ZNF638: variants seen among roughly 807,000 people sequenced by gnomAD.
ZNF638 encodes CTCL tumor antigen se33-1.
A neutral mutation model predicts 195.6 loss-of-function variants in ZNF638; 46 were observed. The observed-to-expected ratio is 0.24, with a 90% CI of 0.19 to 0.30. The LOEUF is 0.30. ZNF638 is among the 10% of genes least tolerant of loss of function. The pLI, the probability that ZNF638 is intolerant of heterozygous loss-of-function variation, is 1.00. For synonymous variants in ZNF638, 845 were observed against 772.0 expected (o/e 1.09, Z -1.57); for missense variants, 2,440 against 2,325.3 (o/e 1.05, Z -1.01).
Position 71,423,542 on chromosome 2 carries a change from T to G in ZNF638, c.4028T>G (p.Val1343Gly). The G allele has an allele frequency of 2.5e-6, 4 of 1,613,752 alleles. No individual in the cohort carries two copies. The highest frequency in any genetic ancestry group is 2.5e-6 in the Non-Finnish European group (3 of 1,179,916). ...GAAGGTAGGATGGATGCAGAAAAGGTGGAAAAGATGGCAGCAATGAAAGAA... is the reference window on the plus strand; with the variant it reads ...GAAGGTAGGATGGATGCAGAAAAGGGGGAAAAGATGGCAGCAATGAAAGAA... ...KNEGRMDAEK[V>G]EKMAAMKEKP... is the part of the protein sequence containing the mutation. Residue 1343 changes from valine to glycine, a missense_variant, in exon 22 of 28, where the codon GTG (valine) becomes GGG (glycine). By Grantham distance (109) the Val-to-Gly change is moderately radical (BLOSUM62 -3). Around this residue, in one of 5 missense-constraint regions of ZNF638, gnomAD observed 1,883 missense variants for 1,739.1 expected, o/e 1.08. Coordinates refer to ENST00000264447, the MANE Select transcript of ZNF638 (RefSeq NM_014497.5).
chr2:71,434,846 G>A lies in ZNF638; in HGVS notation c.*39G>A. 1 of 1,516,468 alleles carries A rather than the reference G, an allele frequency of 6.6e-7. No individual in the cohort carries two copies. The highest frequency in any genetic ancestry group is 8.9e-7 in the Non-Finnish European group (1 of 1,119,208). The allele number at this position is 1,516,468 out of a possible 1,614,324, so 93.9% of individuals were successfully genotyped here. A position where few individuals can be genotyped will look rare whatever the true frequency, so the allele number is the denominator to read the frequency against. On this transcript the variant is annotated 3_prime_UTR_variant, in exon 28 of 28. Transcript: ENST00000264447. ...AAGAATTCACTAGAAATTTGTTTAG[G>A]GTCCAGTTGATTTGTGTATTTTTGT...
intron 8 of ZNF638, among the ~76,000 whole-genome samples, chr2:71,372,700 G>A (rs2079336207): frequency 1.3e-5 from 2 of 152,188 alleles, no homozygotes; most frequent in Admixed American, 6.5e-5. Flanking sequence ...GATGAACAGT[G>A]TAGGGTTCTA....
chr2:71,405,191 A>G (rs2080082573), intron 17 of ZNF638, among the ~76,000 whole-genome samples: 1 of 152,300 alleles, frequency 6.6e-6, no homozygotes, highest in South Asian at 2.1e-4. Context: ...ATTCAGTAGC[A>G]TCAAATCTGC....
At chr2:71,401,020 A>G (rs1284955798) in intron 15 of ZNF638, among the ~76,000 whole-genome samples, 1 of 152,142 alleles carries the variant, frequency 6.6e-6, no homozygotes, top group Non-Finnish European at 1.5e-5. Flanking sequence ...ATTAATTTAC[A>G]TTTTACTGGT....
chr2:71,392,549 A>G (rs2079804040), intron 10 of ZNF638, among the ~76,000 whole-genome samples: 1 of 152,138 alleles, frequency 6.6e-6, no homozygotes. Context: ...GACTTCAGCA[A>G]TTGCTGGGTC....
chr2:71,408,475 T>A, intron 20 of ZNF638: 2 of 458,840 alleles, frequency 4.4e-6, no homozygotes, highest in Non-Finnish European at 7.6e-6. Context: ...ATACTTACTG[T>A]TGACATGTAG....
In ZNF638 at chr2:71,427,351, G is replaced by A. The variant is rs746609523; in HGVS notation, c.5482G>A (p.Gly1828Ser). 13 of 1,599,582 alleles carry A rather than the reference G, an allele frequency of 8.1e-6. No homozygotes were observed. Among genetic ancestry groups the A allele is most frequent in the Non-Finnish European group, 8.5e-6 (10 of 1,176,518 alleles). Residue 1828 changes from glycine to serine, a missense_variant, in exon 24 of 28, where the codon GGT (glycine) becomes AGT (serine). Around this residue, in one of 5 missense-constraint regions of ZNF638, gnomAD observed 1,883 missense variants for 1,739.1 expected, o/e 1.08. Transcript: ENST00000264447. ...KTKLESLSQVGPVNENVMEED... is the reference protein window; with the variant it reads ...KTKLESLSQVSPVNENVMEED... ...AAAACTTGAATCCTTGTCCCAAGTG[G>A]GTCCAGTAAATGAGAATGTTATGGA...
chr2:71,336,818 A>AT (rs2078679362), intron 1 of ZNF638, among the ~76,000 whole-genome samples: 1 of 152,164 alleles, frequency 6.6e-6, no homozygotes. Context: ...AAAACACTGA[A>AT]TGTAGGGTCT....
chr2:71,363,243 A>C, intron 4 of ZNF638, 52 bp downstream of exon 4: 1 of 1,322,608 alleles, frequency 7.6e-7, no homozygotes, highest in Non-Finnish European at 1.0e-6. Context: ...TTTTAAAAGT[A>C]AACAGTTAAT....
At chr2:71,408,398 A>G in intron 20 of ZNF638, 151 bp downstream of exon 20, 1 of 1,017,710 alleles carries the variant, frequency 9.8e-7, no homozygotes, top group South Asian at 1.9e-5. Context: ...TAGTTTATAA[A>G]GCAGTATAAA....
intron 10 of ZNF638, among the ~76,000 whole-genome samples, chr2:71,389,023 T>C (rs1327053231): frequency 6.6e-6 from 1 of 152,158 alleles, no homozygotes; most frequent in Non-Finnish European, 1.5e-5. Context: ...GTAACATCTT[T>C]AACCTTATGG....
chr2:71,343,522 T>G (rs1216052657), intron 1 of ZNF638, among the ~76,000 whole-genome samples: 1 of 152,172 alleles, frequency 6.6e-6, no homozygotes, highest in Non-Finnish European at 1.5e-5. Flanking sequence ...AATCAGTGTT[T>G]AGCAAAATTG....
intron 1 of ZNF638, chr2:71,334,362 G>A (rs2078626606): frequency 1.3e-5 from 2 of 152,170 alleles, no homozygotes; most frequent in South Asian, 4.1e-4. Flanking sequence ...GTTTTGCAAG[G>A]AAACAGGCGC....
Position 71,427,262 on chromosome 2 carries a change from A to G in ZNF638, c.5393A>G (p.Lys1798Arg), listed in dbSNP as rs764330493. The G allele has an allele frequency of 1.4e-5, 23 of 1,613,686 alleles. No homozygotes were observed. The highest frequency in any genetic ancestry group is 1.8e-5 in the Non-Finnish European group (21 of 1,179,944). Residue 1798 changes from lysine (K) to arginine (R), a missense_variant, in exon 24 of 28, where the codon AAA becomes AGA. By Grantham distance (26) the Lys-to-Arg change is conservative. Coordinates refer to ENST00000264447, the MANE Select transcript of ZNF638 (RefSeq NM_014497.5). ...NDLKVELAQS[K>R]NDHPTDKKGN... ...TTAAAAGTTGAGTTAGCACAAAGCAAAAATGACCATCCCACAGATAAAAAA... is the reference window on the plus strand; with the variant it reads ...TTAAAAGTTGAGTTAGCACAAAGCAGAAATGACCATCCCACAGATAAAAAA...
intron 20 of ZNF638, among the ~76,000 whole-genome samples, chr2:71,417,786 G>A (rs2080333678): frequency 6.6e-6 from 1 of 151,882 alleles, no homozygotes; most frequent in African/African-American, 2.4e-5. Context: ...ATATAAGCTA[G>A]ACTTATCACC....
chr2:71,410,930 C>T (rs964232179), intron 20 of ZNF638, among the ~76,000 whole-genome samples: 2 of 145,722 alleles, frequency 1.4e-5, no homozygotes, highest in African/African-American at 5.1e-5. Flanking sequence ...GTTTGGGACT[C>T]ATTTCCTGCA....
At chr2:71,362,198 AT>A (rs1336763040) in intron 3 of ZNF638, among the ~76,000 whole-genome samples, 3 of 151,406 alleles carry the variant, frequency 2.0e-5, no homozygotes, top group East Asian at 3.9e-4. Context: ...ATCTTTTATT[AT>A]TTTTTTTCTT....
chr2:71,424,190 T>C, intron 22 of ZNF638, 152 bp downstream of exon 22: 1 of 1,031,018 alleles, frequency 9.7e-7, no homozygotes, highest in Non-Finnish European at 1.4e-6. Context: ...ATGATTCCAT[T>C]GTTTAAGCCA....
Position 71,421,807 on chromosome 2 carries a change from T to C in ZNF638, c.3300-1007T>C, listed in dbSNP as rs989397584. Among the ~76,000 whole-genome samples the C allele has an allele frequency of 8.5e-5, 13 of 152,232 alleles. No individual in the cohort carries two copies. The South Asian group carries it at 2.5e-3, about 29-fold the overall frequency. On this transcript the variant is annotated intron_variant, in intron 21 of 27. Transcript: ENST00000264447. The stretch of plus-strand genomic sequence containing the variant: ...TATATTTGGTAAATTTTAATTTGCA[T>C]TGATAGCATGTTGGGCATTGTTTTT...
Sources: gnomAD v4.1 joint callset for allele counts (sites outside exome capture counted in the v4.1 genomes callset) on GRCh38, gnomAD v4.1.1 for gene constraint, gnomAD v4.1.1 regional missense constraint, MANE v1.5 for transcripts, NCBI Gene and HGNC (gene_info 2026-07-23, HGNC 2026-07-21) for gene names.